EEF1G: variants seen among roughly 807,000 people sequenced by gnomAD.
EEF1G encodes the protein eukaryotic translation elongation factor 1 gamma.
In EEF1G, 14 loss-of-function variants were observed where a neutral mutation model predicts 58.3. The ratio of observed to expected loss-of-function variants is 0.24; its 90% CI spans 0.16 to 0.38. The LOEUF (loss-of-function observed/expected upper bound fraction) is 0.38. EEF1G is among the 10% of genes least tolerant of loss of function. EEF1G has a pLI of 1.00. For missense variants in EEF1G, 322 were observed against 550.1 expected, an observed-to-expected ratio of 0.59 and a Z score of 4.15; for synonymous variants, 180 against 206.8, an observed-to-expected ratio of 0.87 and a Z score of 1.11.
In EEF1G at chr11:62,561,682, CAA is replaced by C. The variant is rs58957254; in HGVS notation, c.858-1230_858-1229del. ...TCTCAAAAAAAAAACAAAAAAAAAA[CAA>C]AAAAAAAAAAAACAACCAAAAAACA... On this transcript the variant is annotated intron_variant, in intron 7 of 9. Transcript: ENST00000329251. 1.3e-3 allele frequency among the ~76,000 whole-genome samples: 166 copies of C among 124,588 alleles called. 3 individuals are homozygous for C. The highest frequency in any genetic ancestry group is 0.013 in the Middle Eastern group (3 of 230). The allele number at this position is 124,588 out of a possible 152,430, so 81.7% of individuals were successfully genotyped here.
chr11:62,561,676 A>AC (rs1941496868), intron 7 of EEF1G, among the ~76,000 whole-genome samples: 2 of 25,418 alleles, frequency 7.9e-5, no homozygotes, highest in South Asian at 2.5e-3. Context: ...AAAAACAAAA[A>AC]AAAAACAAAA....
intron 5 of EEF1G, among the ~76,000 whole-genome samples, chr11:62,568,588 G>GTA (rs1306514816): frequency 6.6e-6 from 1 of 151,810 alleles, no homozygotes; most frequent in Non-Finnish European, 1.5e-5. Context: ...ATGGATGGAT[G>GTA]CTTGGGTCCA....
At chr11:62,573,638 C>T in intron 1 of EEF1G, 193 bp downstream of exon 1, 1 of 765,290 alleles carries the variant, frequency 1.3e-6, no homozygotes, top group Non-Finnish European at 2.1e-6. Flanking sequence ...ACCCTTCCAC[C>T]TCTGGCCTCC....
chr11:62,563,489 TAGA>T (rs1425779824), intron 7 of EEF1G, among the ~76,000 whole-genome samples: 1 of 151,982 alleles, frequency 6.6e-6, no homozygotes, highest in East Asian at 1.9e-4. Context: ...GAGGCTGAGG[TAGA>T]AGGACCACCT....
intron 7 of EEF1G, among the ~76,000 whole-genome samples, chr11:62,561,036 C>T (rs1420250071): frequency 2.6e-5 from 4 of 152,202 alleles, no homozygotes; most frequent in East Asian, 3.9e-4. Context: ...CATACTGAGC[C>T]AAGAATGCCA....
intron 7 of EEF1G, 136 bp from the exon 8 acceptor site, chr11:62,560,590 T>C: frequency 1.0e-6 from 1 of 1,000,616 alleles, no homozygotes; most frequent in East Asian, 2.6e-5. Context: ...TATGACCTTA[T>C]GAGGGAAGTA....
rs1219442934 is a variant in EEF1G at position 62,571,257 on chromosome 11, T to C, written c.379-149A>G. ...ATGGAGGCAGATCCTAGGGTCATTCTAAATGTATTACAAACAATGAACTTC... is the reference window on the plus strand; with the variant it reads ...ATGGAGGCAGATCCTAGGGTCATTCCAAATGTATTACAAACAATGAACTTC... On this transcript the variant is annotated intron_variant, in intron 4 of 9. Coordinates refer to ENST00000329251, the MANE Select transcript of EEF1G (RefSeq NM_001404.5). The C allele has an allele frequency of 3.0e-6, 4 of 1,314,816 alleles. No individual in the cohort carries two copies. The East Asian group carries it at 9.9e-5, about 33-fold the overall frequency. 81.4% of individuals were successfully genotyped at this position (1,314,816 alleles called of 1,614,324 possible). A position where few individuals can be genotyped will look rare whatever the true frequency, so the allele number is the denominator to read the frequency against.
intron 5 of EEF1G, among the ~76,000 whole-genome samples, chr11:62,569,214 C>T (rs1302294829): frequency 1.3e-5 from 2 of 151,626 alleles, no homozygotes; most frequent in Non-Finnish European, 2.9e-5. Flanking sequence ...GGCTCACCCC[C>T]GCAATCCCAG....
At chr11:62,566,671 T>C in intron 7 of EEF1G, 135 bp downstream of exon 7, 1 of 859,924 alleles carries the variant, frequency 1.2e-6, no homozygotes, top group Non-Finnish European at 1.8e-6. Context: ...AGCTGCTTTA[T>C]TTGCAACTAA....
intron 9 of EEF1G, 80 bp from the exon 10 acceptor site, chr11:62,559,917 C>T: frequency 6.2e-7 from 1 of 1,608,906 alleles, no homozygotes; most frequent in Non-Finnish European, 8.5e-7. Context: ...AAACACATGT[C>T]ATCAGACCCC....
At position 62,571,920 on chromosome 11, in the gene EEF1G, AAAGAT is replaced by A. The variant is rs1462626970; in HGVS notation, c.172-24_172-20del. 1.9e-6 allele frequency: 3 copies of A among 1,563,226 alleles called. No homozygotes were observed. Among genetic ancestry groups the A allele is most frequent in the Non-Finnish European group, 2.6e-6 (3 of 1,153,344 alleles). ...CTGGGACCTGGGGACAAAGCAGTGA[AAAGAT>A]AAGGTAAAACACACAAAATTTCTTC... On this transcript the variant is annotated intron_variant, in intron 2 of 9. Transcript: ENST00000329251.
intron 1 of EEF1G, 170 bp from the exon 2 acceptor site, chr11:62,572,912 A>C: frequency 1.8e-6 from 1 of 563,412 alleles, no homozygotes; most frequent in Non-Finnish European, 3.0e-6. Flanking sequence ...AATCCTCCGA[A>C]ATACCAAGAA....
chr11:62,570,355 C>T (rs115877266), intron 5 of EEF1G, among the ~76,000 whole-genome samples: 45 of 152,300 alleles, frequency 3.0e-4, no homozygotes, highest in African/African-American at 1.0e-3. Flanking sequence ...AGACACAGTG[C>T]CTGGCCTGCC....
chr11:62,560,055 T>A lies in EEF1G; in HGVS notation c.1155+14A>T, dbSNP rs754687201. 2 of 1,613,940 alleles carry A rather than the reference T, an allele frequency of 1.2e-6. No individual in the cohort carries two copies. Among genetic ancestry groups the A allele is most frequent in the South Asian group, 2.2e-5 (2 of 91,078 alleles). On this transcript the variant is annotated intron_variant, in intron 9 of 9. Transcript: ENST00000329251. ...CCCCACCCTAAAGAGACTCCTCTCC[T>A]CCACCTTCCTCACCGGAAAGGCAAG...
chr11:62,559,793 C>T lies in EEF1G; in HGVS notation c.1200G>A (p.Arg400=). The part of the protein sequence containing the change: ...WQVDYESYTW[R]KLDPGSEETQ... The stretch of plus-strand genomic sequence containing the variant: ...TCTCCTCGCTGCCAGGATCCAGTTT[C>T]CGCCATGTGTATGACTCGTAGTCCA... Residue 400 remains arginine (R), a synonymous_variant, in exon 10 of 10, where the codon CGG becomes CGA. Coordinates refer to ENST00000329251, the MANE Select transcript of EEF1G (RefSeq NM_001404.5). 1.2e-6 allele frequency: 2 copies of T among 1,614,024 alleles called. No individual in the cohort carries two copies. The highest frequency in any genetic ancestry group is 1.7e-6 in the Non-Finnish European group (2 of 1,179,896).
intron 5 of EEF1G, among the ~76,000 whole-genome samples, chr11:62,568,641 A>T (rs1446218216): frequency 6.6e-6 from 1 of 151,966 alleles, no homozygotes; most frequent in African/African-American, 2.4e-5. Context: ...TTGCTCCTTT[A>T]CAAAACTATT....
chr11:62,561,133 C>G (rs757244402), intron 7 of EEF1G, among the ~76,000 whole-genome samples: 11 of 152,142 alleles, frequency 7.2e-5, no homozygotes, highest in Non-Finnish European at 1.6e-4. Context: ...TGGCCAGATG[C>G]GGTGGCTCAC....
chr11:62,569,369 G>A (rs1243303007), intron 5 of EEF1G, among the ~76,000 whole-genome samples: 1 of 152,158 alleles, frequency 6.6e-6, no homozygotes, highest in Admixed American at 6.5e-5. Context: ...AGCTACTTGG[G>A]AGGCTGAGGC....
chr11:62,573,598 A>C, intron 1 of EEF1G: 1 of 630,302 alleles, frequency 1.6e-6, no homozygotes, highest in Non-Finnish European at 2.8e-6. Context: ...GACGGCCCAG[A>C]CCCGGCATCT....
Sources: allele counts gnomAD v4.1 joint callset (sites outside exome capture counted in the v4.1 genomes callset), GRCh38; gene constraint gnomAD v4.1.1; transcripts MANE v1.5; gene names NCBI Gene and HGNC (gene_info 2026-07-23, HGNC 2026-07-21).